SHANK2: variants seen among roughly 807,000 people sequenced by gnomAD.
SHANK2 encodes SH3 and multiple ankyrin repeat domains 2.
A neutral mutation model predicts 133.7 loss-of-function variants in SHANK2; 43 were observed. The observed-to-expected ratio is 0.32, with a 90% CI of 0.25 to 0.41. The LOEUF (loss-of-function observed/expected upper bound fraction) is 0.41, where lower values mean the gene tolerates loss of function less well. Ranked by LOEUF, SHANK2 falls within the 10% of genes least tolerant of loss-of-function variation. The probability of loss-of-function intolerance (pLI) is 1.00; values close to 1 mark genes in which losing one functional copy is unlikely to be tolerated. For synonymous variants in SHANK2, 1,017 were observed against 952.8 expected (o/e 1.07, Z -1.24); for missense variants, 1,994 against 2,235.8 (o/e 0.89, Z 2.18).
intron 2 of SHANK2, among the ~76,000 whole-genome samples, chr11:71,171,342 G>T (rs7930503): frequency 0.4 from 61,223 of 152,068 alleles, 13,169 homozygotes; most frequent in Admixed American, 0.56. Flanking sequence ...AACCAGAGAA[G>T]GTGATGGCGT....
At chr11:71,180,830 G>A (rs1200434054) in intron 2 of SHANK2, among the ~76,000 whole-genome samples, 2 of 152,006 alleles carry the variant, frequency 1.3e-5, no homozygotes, top group African/African-American at 4.8e-5. Context: ...CCACTGGAGA[G>A]GAAGCAAAAA....
intron 14 of SHANK2, among the ~76,000 whole-genome samples, chr11:70,738,147 C>T (rs1399587310): frequency 6.6e-6 from 1 of 152,254 alleles, no homozygotes; most frequent in East Asian, 1.9e-4. Context: ...AACCATGCAT[C>T]GCACAAGAGA....
chr11:70,661,316 G>A (rs1242679339), intron 16 of SHANK2, among the ~76,000 whole-genome samples: 3 of 152,118 alleles, frequency 2.0e-5, no homozygotes, highest in African/African-American at 7.2e-5. Context: ...GCAGGAGGGA[G>A]AGAGAACCCA....
chr11:70,900,495 C>T (rs1207872315), intron 10 of SHANK2, among the ~76,000 whole-genome samples: 2 of 152,192 alleles, frequency 1.3e-5, no homozygotes, highest in African/African-American at 2.4e-5. Context: ...CAAGTGCACA[C>T]CCACATCTGC....
chr11:71,159,726 G>A (rs189437306), intron 2 of SHANK2, among the ~76,000 whole-genome samples: 120 of 152,164 alleles, frequency 7.9e-4, no homozygotes, highest in Non-Finnish European at 1.5e-3. Flanking sequence ...GCTCATGCCC[G>A]TAATCCCAAC....
intron 11 of SHANK2, among the ~76,000 whole-genome samples, chr11:70,829,128 A>G (rs1295612414): frequency 1.3e-5 from 2 of 152,154 alleles, no homozygotes; most frequent in Non-Finnish European, 2.9e-5. Context: ...ACCATGTGAC[A>G]ATCCTGCATC....
At chr11:70,559,250 C>T (rs1591579637) in intron 17 of SHANK2, among the ~76,000 whole-genome samples, 1 of 152,268 alleles carries the variant, frequency 6.6e-6, no homozygotes, top group East Asian at 1.9e-4. Flanking sequence ...GAACTCCTGA[C>T]CTCAAGTGAT....
At chr11:70,787,934 C>T (rs546951821) in intron 14 of SHANK2, among the ~76,000 whole-genome samples, 1 of 152,300 alleles carries the variant, frequency 6.6e-6, no homozygotes, top group African/African-American at 2.4e-5. Context: ...TGCCCCCCTC[C>T]CAAGTTTACT....
chr11:71,100,466 G>A (rs116851697), intron 6 of SHANK2, among the ~76,000 whole-genome samples: 2,121 of 152,312 alleles, frequency 0.014, 16 homozygotes, highest in East Asian at 0.047. Flanking sequence ...GCCACAACAC[G>A]ATACGAAGGA....
At chr11:70,902,079 G>A (rs782112896) in intron 10 of SHANK2, among the ~76,000 whole-genome samples, 68 of 152,300 alleles carry the variant, frequency 4.5e-4, no homozygotes, top group Non-Finnish European at 4.1e-4. Flanking sequence ...GGCACTCTTG[G>A]ACAGACAGGA....
chr11:70,796,771 G>C (rs1186888127), intron 14 of SHANK2, among the ~76,000 whole-genome samples: 2 of 152,198 alleles, frequency 1.3e-5, no homozygotes, highest in Admixed American at 1.3e-4. Flanking sequence ...GGATGCCTGA[G>C]GTCAGAAGCT....
intron 15 of SHANK2, among the ~76,000 whole-genome samples, chr11:70,673,843 G>A (rs1256243327): frequency 1.3e-5 from 2 of 152,264 alleles, no homozygotes; most frequent in Admixed American, 6.5e-5. Context: ...AAGTGCTGAT[G>A]CTTCATTAAG....
intron 15 of SHANK2, among the ~76,000 whole-genome samples, chr11:70,679,314 G>A (rs1449626517): frequency 2.6e-5 from 4 of 152,220 alleles, no homozygotes; most frequent in African/African-American, 9.6e-5. Context: ...GCTGGCAAAT[G>A]GCGGAGCTGG....
intron 15 of SHANK2, among the ~76,000 whole-genome samples, chr11:70,680,822 G>C (rs117944776): frequency 6.6e-6 from 1 of 152,204 alleles, no homozygotes; most frequent in South Asian, 2.1e-4. Flanking sequence ...ATTGTGGGCT[G>C]ACTCATCCAA....
chr11:70,607,744 G>A (rs1554992921), intron 17 of SHANK2, among the ~76,000 whole-genome samples: 1 of 152,212 alleles, frequency 6.6e-6, no homozygotes, highest in Non-Finnish European at 1.5e-5. Flanking sequence ...GCAGGCAGTG[G>A]CCAGCTCTGC....
At chr11:70,829,760 T>G (rs541665077) in intron 11 of SHANK2, among the ~76,000 whole-genome samples, 2 of 152,282 alleles carry the variant, frequency 1.3e-5, no homozygotes, top group Admixed American at 1.3e-4. Flanking sequence ...GGAGGCTGAG[T>G]AAACCATTCA....
rs369440173 is a variant in SHANK2 at position 70,903,720 on chromosome 11, T to C, written c.1108-7153A>G. ...GGAAGCCCCGACTTGTGAAGCCCTG[T>C]TGTCTCTTCTGCCACATGCATTGCA... is the stretch of plus-strand genomic sequence containing the variant. On this transcript the variant is annotated intron_variant, in intron 10 of 25. Transcript: ENST00000601538. 3.5e-4 allele frequency among the ~76,000 whole-genome samples: 54 copies of C among 152,320 alleles called. 1 individual carries two copies. The East Asian group carries it at 5.4e-3, about 15-fold the overall frequency.
chr11:71,147,373 A>G, intron 2 of SHANK2, 35 bp from the exon 3 acceptor site: 1 of 1,507,764 alleles, frequency 6.6e-7, no homozygotes, highest in Non-Finnish European at 8.9e-7. Context: ...AAAGAACGGG[A>G]GATGTGAAAA....
intron 11 of SHANK2, among the ~76,000 whole-genome samples, chr11:70,837,361 G>A (rs190280098): frequency 1.0e-3 from 158 of 152,230 alleles, no homozygotes; most frequent in Non-Finnish European, 9.4e-4. Flanking sequence ...CCCCTGCTGT[G>A]CCTACCCTCC....
Sources: allele counts gnomAD v4.1 joint callset (sites outside exome capture counted in the v4.1 genomes callset), GRCh38; gene constraint gnomAD v4.1.1; transcripts MANE v1.5; gene names NCBI Gene and HGNC (gene_info 2026-07-23, HGNC 2026-07-21).